Variants in UTP4 observed in about 807,000 individuals in gnomAD.
The protein encoded by UTP4 is UTP4 small subunit processome component.
A neutral mutation model predicts 82.4 loss-of-function variants in UTP4; 45 were observed. The observed-to-expected ratio is 0.55, with a 90% confidence interval of 0.43 to 0.70. UTP4 has a LOEUF of 0.70. UTP4 is among the 30% of genes least tolerant of loss of function. The pLI is 0.00. For synonymous variants in UTP4, 348 were observed against 300.3 expected, an observed-to-expected ratio of 1.16 and a Z score of -1.64; for missense variants, 819 against 858.3, an observed-to-expected ratio of 0.95 and a Z score of 0.57.
Position 69,156,123 on chromosome 16 carries a change from T to G in UTP4, c.1287+130T>G, listed in dbSNP as rs1334943234. On this transcript the variant is annotated intron_variant, in intron 11 of 16. Coordinates refer to ENST00000314423, the MANE Select transcript of UTP4 (RefSeq NM_032830.3). ...AACTATTTGGAGATTTGGAGAAGGC[T>G]GTTATGAAACAGTGTTTTATTTCTT... is the stretch of plus-strand genomic sequence containing the variant. The G allele has an allele frequency of 2.5e-5, 23 of 933,324 alleles. No homozygotes were observed. In the East Asian group the frequency reaches 5.7e-4, roughly 23 times the overall value. 57.8% of individuals were successfully genotyped at this position (933,324 alleles called of 1,614,324 possible).
chr16:69,165,181 T>A (rs1177298166), intron 14 of UTP4, among the ~76,000 whole-genome samples, 160 bp from the exon 15 acceptor site: 1 of 149,072 alleles, frequency 6.7e-6, no homozygotes, highest in Non-Finnish European at 1.5e-5. Flanking sequence ...TGTGGCAGAG[T>A]GAGACTCCAT....
chr16:69,140,505 C>T (rs1008430851), intron 5 of UTP4, among the ~76,000 whole-genome samples: 7 of 152,160 alleles, frequency 4.6e-5, no homozygotes, highest in African/African-American at 1.4e-4. Context: ...CACCTGAGGT[C>T]GGGAGTTCAA....
At chr16:69,140,751 C>T (rs1400824733) in intron 5 of UTP4, among the ~76,000 whole-genome samples, 1 of 152,028 alleles carries the variant, frequency 6.6e-6, no homozygotes, top group Non-Finnish European at 1.5e-5. Context: ...TCGAGGCAAC[C>T]ACTTGTGACC....
intron 11 of UTP4, among the ~76,000 whole-genome samples, 165 bp downstream of exon 11, chr16:69,156,158 T>C (rs1006232610): frequency 2.6e-4 from 39 of 149,872 alleles, no homozygotes; most frequent in Admixed American, 2.4e-3. Flanking sequence ...TTCTTTCTTT[T>C]TTTTTTTTTT....
chr16:69,149,342 T>C (rs764627808), intron 6 of UTP4, among the ~76,000 whole-genome samples: 7 of 151,982 alleles, frequency 4.6e-5, no homozygotes, highest in Non-Finnish European at 1.0e-4. Flanking sequence ...ATCGCGCCAT[T>C]GCACTCCAGC....
chr16:69,150,976 T>A (rs1339082720), intron 8 of UTP4, 72 bp downstream of exon 8: 1 of 1,200,170 alleles, frequency 8.3e-7, no homozygotes, highest in African/African-American at 1.5e-5. Context: ...CCACAAGCTC[T>A]GAACACAGCT....
At chr16:69,148,890 C>T (rs1963189594) in intron 6 of UTP4, among the ~76,000 whole-genome samples, 1 of 152,134 alleles carries the variant, frequency 6.6e-6, no homozygotes, top group Non-Finnish European at 1.5e-5. Context: ...TGAGCCATCA[C>T]ATCTAGCCAC....
chr16:69,168,983 C>T lies in UTP4; in HGVS notation c.*46C>T, dbSNP rs1253465954. 2.6e-6 allele frequency: 3 copies of T among 1,160,522 alleles called. No individual in the cohort carries two copies. The highest frequency in any genetic ancestry group is 3.9e-6 in the Non-Finnish European group (3 of 765,566). The allele number at this position is 1,160,522 out of a possible 1,614,324, so 71.9% of individuals were successfully genotyped here. A position where few individuals can be genotyped will look rare whatever the true frequency, so the allele number is the denominator to read the frequency against. On this transcript the variant is annotated 3_prime_UTR_variant, in exon 17 of 17. Transcript: ENST00000314423. ...CTTCCTTGAACTGTCTACCCTGTTG[C>T]TTTTCACAAATCATGGTAATAAAAC...
intron 6 of UTP4, among the ~76,000 whole-genome samples, chr16:69,147,001 C>CAAAAAAAAA (rs71148965): frequency 1.7e-4 from 15 of 85,780 alleles, no homozygotes; most frequent in Non-Finnish European, 2.8e-4. Context: ...GACTCTGCCT[C>CAAAAAAAAA]AAAAAAAAAA....
At chr16:69,154,924 T>G (rs1164631876) in intron 10 of UTP4, among the ~76,000 whole-genome samples, 1 of 152,034 alleles carries the variant, frequency 6.6e-6, no homozygotes, top group East Asian at 1.9e-4. Context: ...GAGATGGGGT[T>G]GGTCAGGCTG....
At chr16:69,135,982 T>C (rs1438465662) in intron 2 of UTP4, among the ~76,000 whole-genome samples, 2 of 152,170 alleles carry the variant, frequency 1.3e-5, no homozygotes, top group Non-Finnish European at 2.9e-5. Flanking sequence ...TGAGCTGAGA[T>C]GGCGCCATTG....
At chr16:69,149,409 G>T (rs1291472266) in intron 6 of UTP4, among the ~76,000 whole-genome samples, 4 of 151,922 alleles carry the variant, frequency 2.6e-5, no homozygotes, top group Admixed American at 2.6e-4. Flanking sequence ...AATTAGCCGG[G>T]TGTGGTGGTG....
intron 3 of UTP4, 132 bp downstream of exon 3, chr16:69,137,019 T>C (rs2152276652): frequency 1.2e-6 from 1 of 802,758 alleles, no homozygotes; most frequent in East Asian, 2.5e-5. Flanking sequence ...TTGGAATTGA[T>C]AGTGAAGATT....
At chr16:69,154,589 G>T (rs915154601) in intron 10 of UTP4, 132 bp downstream of exon 10, 1 of 735,634 alleles carries the variant, frequency 1.4e-6, no homozygotes, top group Non-Finnish European at 2.4e-6. Context: ...ATGAAGGACT[G>T]TGTCACCAGG....
chr16:69,158,944 C>T (rs16958671), intron 12 of UTP4, among the ~76,000 whole-genome samples: 2,733 of 152,224 alleles, frequency 0.018, 85 homozygotes, highest in African/African-American at 0.062. Flanking sequence ...CTCTAGATGA[C>T]AAAGATGGCT....
intron 1 of UTP4, chr16:69,132,998 G>T (rs533250311): frequency 4.2e-5 from 10 of 237,046 alleles, no homozygotes; most frequent in Non-Finnish European, 7.6e-5. Flanking sequence ...GCGGGCGTCG[G>T]GGGGACGGGG....
intron 4 of UTP4, 186 bp from the exon 5 acceptor site, chr16:69,139,639 A>AAAAT (rs60340195): frequency 0.23 from 38,577 of 166,704 alleles, 4,831 homozygotes; most frequent in East Asian, 0.36. Flanking sequence ...CTCCGTCTCA[A>AAAAT]AAATAAATAA....
intron 13 of UTP4, among the ~76,000 whole-genome samples, chr16:69,162,855 A>G (rs1963598443): frequency 1.3e-5 from 2 of 151,178 alleles, no homozygotes; most frequent in South Asian, 4.2e-4. Context: ...ACGCCACTGC[A>G]CTCCAGCCTG....
Position 69,165,392 on chromosome 16 carries a change from G to T in UTP4, c.1699G>T (p.Val567Phe). ...ACAGTATACAGATTGGAGCCGGACT[G>T]TCCAGAAGCAGGGCTTTCACCACCT... ...DKQYTDWSRT[V>F]QKQGFHHLWL... Residue 567 changes from valine (V) to phenylalanine (F), a missense_variant, in exon 15 of 17, where the codon GTC becomes TTC. Val to Phe is a conservative substitution (Grantham distance 50). Coordinates refer to ENST00000314423, the MANE Select transcript of UTP4 (RefSeq NM_032830.3). The T allele has an allele frequency of 6.2e-7, 1 of 1,614,108 alleles. No homozygotes were observed. Among genetic ancestry groups the T allele is most frequent in the South Asian group, 1.1e-5 (1 of 91,080 alleles).
Sources: gnomAD v4.1 joint callset for allele counts (sites outside exome capture counted in the v4.1 genomes callset) on GRCh38, gnomAD v4.1.1 for gene constraint, MANE v1.5 for transcripts, NCBI Gene and HGNC (gene_info 2026-07-23, HGNC 2026-07-21) for gene names.